Variants in TMEM229B observed in about 807,000 individuals in gnomAD.
The protein encoded by TMEM229B is chromosome 14 open reading frame 83.
In TMEM229B, 6 loss-of-function variants were observed where a neutral mutation model predicts 13.7. The ratio of observed to expected loss-of-function variants is 0.44; its 90% CI spans 0.24 to 0.86. TMEM229B has a LOEUF of 0.86. TMEM229B is among the 40% of genes least tolerant of loss of function. The pLI is 0.23. For synonymous variants in TMEM229B, 107 were observed against 102.1 expected, an observed-to-expected ratio of 1.05 and a Z score of -0.29; for missense variants, 170 against 236.0, an observed-to-expected ratio of 0.72 and a Z score of 1.83.
In TMEM229B at chr14:67,494,344, G is replaced by C. The variant is rs192394229; in HGVS notation, c.-191-7172C>G. On this transcript the variant is annotated intron_variant, in intron 1 of 2. Transcript: ENST00000357461. ...AAACCAGCCTGAGAAAGGCCGAGAAGAGAATTTAGAAATGAGACCCAAAGA... is the reference window on the plus strand; with the variant it reads ...AAACCAGCCTGAGAAAGGCCGAGAACAGAATTTAGAAATGAGACCCAAAGA... 3.2e-3 allele frequency among the ~76,000 whole-genome samples: 480 copies of C among 152,338 alleles called. 2 individuals carry two copies. Among genetic ancestry groups the C allele is most frequent in the Non-Finnish European group, 4.5e-3 (305 of 68,030 alleles).
intron 2 of TMEM229B, among the ~76,000 whole-genome samples, chr14:67,481,601 G>A (rs2031591124): frequency 6.6e-6 from 1 of 152,162 alleles, no homozygotes; most frequent in African/African-American, 2.4e-5. Context: ...ATTAGAGGCT[G>A]GGCATTGACT....
chr14:67,516,912 CCT>C (rs1014554961), upstream of TMEM229B, among the ~76,000 whole-genome samples: 3 of 152,132 alleles, frequency 2.0e-5, no homozygotes, highest in Admixed American at 1.3e-4. Context: ...TAGACTTCCC[CCT>C]GAGTTTGTTT....
upstream of TMEM229B, among the ~76,000 whole-genome samples, chr14:67,516,983 A>G (rs952627187): frequency 1.3e-5 from 2 of 152,244 alleles, no homozygotes; most frequent in African/African-American, 4.8e-5. Context: ...ACCCAAGGAC[A>G]TCATGCATAT....
intron 1 of TMEM229B, among the ~76,000 whole-genome samples, chr14:67,497,428 G>A (rs957780598): frequency 6.6e-6 from 1 of 152,048 alleles, no homozygotes; most frequent in Non-Finnish European, 1.5e-5. Context: ...GGATGAGGAA[G>A]AACTGACGGG....
chr14:67,504,296 G>A lies in TMEM229B; in HGVS notation c.-192+10790C>T, dbSNP rs543954350. Reference sequence around the variant, plus strand: ...CCCAAAGTGCTGGGGTTGCAGGCGTGAGCCACCGTGCCCAGGCTCAGTTTG... The same window carrying A: ...CCCAAAGTGCTGGGGTTGCAGGCGTAAGCCACCGTGCCCAGGCTCAGTTTG... On this transcript the variant is annotated intron_variant, in intron 1 of 2. Coordinates refer to the TMEM229B transcript ENST00000357461. Among the ~76,000 whole-genome samples, 37 of 152,332 alleles carry A rather than the reference G, an allele frequency of 2.4e-4. 1 individual carries two copies. The South Asian group carries it at 7.0e-3, about 29-fold the overall frequency.
At chr14:67,513,423 T>A (rs1862723552) in intron 1 of TMEM229B, among the ~76,000 whole-genome samples, 1 of 152,078 alleles carries the variant, frequency 6.6e-6, no homozygotes, top group Non-Finnish European at 1.5e-5. Context: ...GGGGACTCAG[T>A]TTTCTCCTGC....
Position 67,473,068 on chromosome 14 carries a change from G to C in TMEM229B, c.*352C>G. ...GGAGGTCAGGCCTTGCCTCCCACCTGCGGCCCCATTCTCATTGTCCCTTGG... is the reference window on the plus strand; with the variant it reads ...GGAGGTCAGGCCTTGCCTCCCACCTCCGGCCCCATTCTCATTGTCCCTTGG... On this transcript the variant is annotated 3_prime_UTR_variant, in exon 3 of 3. Coordinates refer to ENST00000554480, the MANE Select transcript of TMEM229B (RefSeq NM_001348543.2). This position sits in a 1 kb window ranked among gnomAD's most constrained non-coding sequence, Gnocchi z 6.5. The C allele has an allele frequency of 3.8e-6, 1 of 261,998 alleles. No individual in the cohort carries two copies. Among genetic ancestry groups the C allele is most frequent in the South Asian group, 6.1e-5 (1 of 16,478 alleles). 16.2% of individuals were successfully genotyped at this position (261,998 alleles called of 1,614,324 possible).
Position 67,473,762 on chromosome 14 carries a change from G to T in TMEM229B, c.162C>A (p.Gly54=). 1 of 1,613,792 alleles carries T rather than the reference G, an allele frequency of 6.2e-7. No individual in the cohort carries two copies. The highest frequency in any genetic ancestry group is 8.5e-7 in the Non-Finnish European group (1 of 1,179,884). ...VTSVWALFIY[G]TSILIVERMY... The stretch of plus-strand genomic sequence containing the variant: ...TGCGCTCCACGATGAGGATGGAGGT[G>T]CCGTAGATGAAGAGGGCCCACACGC... Residue 54 remains glycine (G), a synonymous_variant, in exon 3 of 3, where the codon GGC becomes GGA. Transcript: ENST00000554480. The surrounding 1 kb of genome is among the most constrained non-coding windows in gnomAD (Gnocchi z 6.5).
chr14:67,473,083 T>G lies in TMEM229B; in HGVS notation c.*337A>C. 1 of 287,966 alleles carries G rather than the reference T, an allele frequency of 3.5e-6. No homozygotes were observed. The highest frequency in any genetic ancestry group is 7.7e-5 in the East Asian group (1 of 13,010). 17.8% of individuals were successfully genotyped at this position (287,966 alleles called of 1,614,324 possible). A position where few individuals can be genotyped will look rare whatever the true frequency, so the allele number is the denominator to read the frequency against. Reference sequence around the variant, plus strand: ...CCTCCCACCTGCGGCCCCATTCTCATTGTCCCTTGGCCAGGACAGGGCCTG... The same window carrying G: ...CCTCCCACCTGCGGCCCCATTCTCAGTGTCCCTTGGCCAGGACAGGGCCTG... On this transcript the variant is annotated 3_prime_UTR_variant, in exon 3 of 3. Transcript: ENST00000554480. This position sits in a 1 kb window ranked among gnomAD's most constrained non-coding sequence, Gnocchi z 6.5.
intron 1 of TMEM229B, among the ~76,000 whole-genome samples, chr14:67,505,600 A>G (rs1331755638): frequency 6.6e-6 from 1 of 152,054 alleles, no homozygotes; most frequent in Non-Finnish European, 1.5e-5. Flanking sequence ...CTTCTCTGAG[A>G]TGGTCTCTTG....
At chr14:67,517,384 T>TA (rs1013232155), upstream of TMEM229B, among the ~76,000 whole-genome samples, 1 of 152,204 alleles carries the variant, frequency 6.6e-6, no homozygotes, top group African/African-American at 2.4e-5. Flanking sequence ...TGAGGCACGG[T>TA]AGGCGCCGGG....
intron 1 of TMEM229B, among the ~76,000 whole-genome samples, chr14:67,497,853 G>A (rs893635148): frequency 1.3e-5 from 2 of 151,890 alleles, no homozygotes; most frequent in South Asian, 2.1e-4. Flanking sequence ...TTACATTCTC[G>A]GTGAGTCTAT....
At chr14:67,496,779 C>T (rs1158090520) in intron 1 of TMEM229B, among the ~76,000 whole-genome samples, 4 of 91,960 alleles carry the variant, frequency 4.3e-5, no homozygotes, top group Admixed American at 1.4e-4. Context: ...TCCTCCCTCC[C>T]TCATTTCTGT....
chr14:67,533,714 T>G (rs899567230), exon 1 of TMEM229B: 2 of 152,178 alleles, frequency 1.3e-5, no homozygotes, highest in Admixed American at 1.3e-4. Flanking sequence ...CACCTTGCTA[T>G]CGGTGCTCGC....
upstream of TMEM229B, among the ~76,000 whole-genome samples, chr14:67,493,443 G>A (rs1164127289): frequency 1.3e-5 from 2 of 152,134 alleles, no homozygotes; most frequent in East Asian, 3.8e-4. Context: ...TCTGTGTTAG[G>A]GATAAAAACC....
chr14:67,493,603 G>T (rs1002358968), upstream of TMEM229B, among the ~76,000 whole-genome samples: 15 of 152,168 alleles, frequency 9.9e-5, no homozygotes, highest in East Asian at 3.9e-4. Flanking sequence ...AACACTGAGG[G>T]TCAGTGTGCT....
At chr14:67,483,997 G>T (rs545290023) in intron 2 of TMEM229B, among the ~76,000 whole-genome samples, 2 of 152,290 alleles carry the variant, frequency 1.3e-5, no homozygotes, top group East Asian at 3.9e-4. Flanking sequence ...CCTGCACGGG[G>T]GACTGGCAGG....
At chr14:67,506,783 A>T (rs2032842959) in intron 1 of TMEM229B, among the ~76,000 whole-genome samples, 1 of 152,238 alleles carries the variant, frequency 6.6e-6, no homozygotes, top group Admixed American at 6.5e-5. Context: ...AAAGAGATCG[A>T]GACCATCCTG....
chr14:67,526,875 G>C (rs1003495011), intron 1 of TMEM229B, among the ~76,000 whole-genome samples: 1 of 152,126 alleles, frequency 6.6e-6, no homozygotes, highest in Non-Finnish European at 1.5e-5. Flanking sequence ...AGAGGGGAGG[G>C]CAAAGAGAGC....
Sources: gnomAD v4.1 joint callset for allele counts (sites outside exome capture counted in the v4.1 genomes callset) on GRCh38, gnomAD v4.1.1 for gene constraint, Gnocchi (gnomAD v3.1) non-coding constraint, MANE v1.5 for transcripts, NCBI Gene and HGNC (gene_info 2026-07-23, HGNC 2026-07-21) for gene names.